Variants in NAALADL2 observed in about 807,000 individuals in gnomAD.
NAALADL2 encodes inactive N-acetylated-alpha-linked acidic dipeptidase-like protein 2.
NAALADL2 carries 76 observed loss-of-function variants against 87.2 expected under a neutral mutation model. That is an observed-to-expected ratio of 0.87 (90% confidence interval 0.72 to 1.05). The LOEUF is 1.05. Ranked by LOEUF, NAALADL2 falls within the 50% of genes least tolerant of loss-of-function variation. The pLI, the probability that NAALADL2 is intolerant of heterozygous loss-of-function variation, is 0.00. For missense variants in NAALADL2, 1,089 were observed against 945.8 expected (o/e 1.15, Z -1.99); for synonymous variants, 354 against 331.0 (o/e 1.07, Z -0.75).
At position 175,455,295 on chromosome 3, in the gene NAALADL2, C is replaced by A. The variant is rs1722164008; in HGVS notation, c.1234+7923C>A. On this transcript the variant is annotated intron_variant, in intron 6 of 13. Transcript: ENST00000454872. Reference sequence around the variant, plus strand: ...GATGTAGTTCTTAGAGGTACTTCTCCTGGGGTAAGGTTAATGGAGGGTAGC... The same window carrying A: ...GATGTAGTTCTTAGAGGTACTTCTCATGGGGTAAGGTTAATGGAGGGTAGC... Among the ~76,000 whole-genome samples the A allele has an allele frequency of 3.3e-5, 5 of 151,946 alleles. No homozygotes were observed. The South Asian group carries it at 1.0e-3, about 32-fold the overall frequency.
intron 13 of NAALADL2, among the ~76,000 whole-genome samples, chr3:175,776,778 G>A (rs1042936065): frequency 3.9e-5 from 6 of 152,118 alleles, no homozygotes; most frequent in Non-Finnish European, 8.8e-5. Context: ...CAGTGGATAA[G>A]AAGGGAATAG....
chr3:174,963,160 A>G (rs1045821608), intron 1 of NAALADL2, among the ~76,000 whole-genome samples: 5 of 152,130 alleles, frequency 3.3e-5, no homozygotes, highest in African/African-American at 9.7e-5. Flanking sequence ...CAAGCTTAAC[A>G]TATCTGGCTG....
intron 9 of NAALADL2, among the ~76,000 whole-genome samples, chr3:175,496,551 G>T (rs1297155403): frequency 6.6e-6 from 1 of 151,952 alleles, no homozygotes; most frequent in Non-Finnish European, 1.5e-5. Flanking sequence ...ACACTATTTT[G>T]TTGTGGTGGT....
intron 2 of NAALADL2, among the ~76,000 whole-genome samples, chr3:174,623,861 T>C (rs1320159965): frequency 6.6e-6 from 1 of 152,162 alleles, no homozygotes; most frequent in Admixed American, 6.5e-5. Flanking sequence ...TTCTACCATG[T>C]AAATAGGAGC....
At chr3:175,250,865 G>T (rs1317943893) in intron 3 of NAALADL2, among the ~76,000 whole-genome samples, 2 of 152,168 alleles carry the variant, frequency 1.3e-5, no homozygotes, top group African/African-American at 4.8e-5. Flanking sequence ...CAAGTCTGAA[G>T]CTTGATCTGT....
At chr3:174,898,289 C>T (rs1037287621) in intron 1 of NAALADL2, among the ~76,000 whole-genome samples, 3 of 151,260 alleles carry the variant, frequency 2.0e-5, no homozygotes, top group South Asian at 4.2e-4. Context: ...TAATTGTACT[C>T]ATGATATAGA....
At chr3:175,318,271 T>C (rs1759402623) in intron 4 of NAALADL2, among the ~76,000 whole-genome samples, 2 of 152,266 alleles carry the variant, frequency 1.3e-5, no homozygotes, top group Admixed American at 6.5e-5. Context: ...GGTTTTACTT[T>C]GTTTTAGTGT....
intron 3 of NAALADL2, among the ~76,000 whole-genome samples, chr3:174,803,745 G>T (rs1719121021): frequency 6.6e-6 from 1 of 152,102 alleles, no homozygotes; most frequent in African/African-American, 2.4e-5. Context: ...CCCATTGCTT[G>T]TTTTTGTCAG....
chr3:175,641,377 CGTCCTTCAGTATGTTTAT>C (rs1553938716), intron 11 of NAALADL2, among the ~76,000 whole-genome samples: 1 of 151,866 alleles, frequency 6.6e-6, no homozygotes, highest in Non-Finnish European at 1.5e-5. Flanking sequence ...TCCCTTTTTC[CGTCCTTCAGTATGTTTAT>C]GTCTTGCTTC....
chr3:175,430,026 C>G (rs963037414), intron 5 of NAALADL2, among the ~76,000 whole-genome samples: 3 of 151,790 alleles, frequency 2.0e-5, no homozygotes, highest in African/African-American at 7.2e-5. Context: ...TGGTCTTTAG[C>G]TTAACTTCAA....
At chr3:175,594,594 G>C (rs1721993972) in intron 10 of NAALADL2, among the ~76,000 whole-genome samples, 1 of 152,238 alleles carries the variant, frequency 6.6e-6, no homozygotes, top group Non-Finnish European at 1.5e-5. Flanking sequence ...GCTTTCCACA[G>C]GGGCTGAACT....
chr3:175,202,261 A>C (rs1740156208), intron 2 of NAALADL2, among the ~76,000 whole-genome samples: 1 of 152,078 alleles, frequency 6.6e-6, no homozygotes, highest in African/African-American at 2.4e-5. Context: ...ATTGGGCTTC[A>C]TTTCCAAGTG....
At chr3:174,584,645 T>C (rs934874271) in intron 2 of NAALADL2, among the ~76,000 whole-genome samples, 1 of 152,142 alleles carries the variant, frequency 6.6e-6, no homozygotes, top group Non-Finnish European at 1.5e-5. Context: ...TAATGCATGA[T>C]AGCTAATTAT....
intron 3 of NAALADL2, among the ~76,000 whole-genome samples, chr3:174,829,405 G>C (rs1249083720): frequency 5.4e-5 from 8 of 148,602 alleles, no homozygotes; most frequent in African/African-American, 2.5e-5. Context: ...TGAGAATGAT[G>C]GTTTCCAATT....
upstream of NAALADL2, among the ~76,000 whole-genome samples, chr3:174,858,117 G>A (rs1161653836): frequency 6.9e-6 from 1 of 145,348 alleles, no homozygotes; most frequent in Non-Finnish European, 1.5e-5. Context: ...TAATAAAAAT[G>A]TTTTTATATA....
chr3:174,584,234 G>A (rs971420751), intron 2 of NAALADL2, among the ~76,000 whole-genome samples: 10 of 152,084 alleles, frequency 6.6e-5, no homozygotes, highest in African/African-American at 2.2e-4. Flanking sequence ...GGTAATCAGA[G>A]AAATTTTACT....
chr3:175,699,846 C>A (rs1738740517), intron 11 of NAALADL2, among the ~76,000 whole-genome samples: 1 of 151,968 alleles, frequency 6.6e-6, no homozygotes, highest in African/African-American at 2.4e-5. Context: ...ATGCCAAATC[C>A]TTTAATACTA....
At chr3:175,397,263 A>G (rs184323960) in intron 5 of NAALADL2, 2 of 152,098 alleles carry the variant, frequency 1.3e-5, no homozygotes, top group Admixed American at 1.3e-4. Context: ...ATGCTTCACA[A>G]ATTTGCATGT....
chr3:175,098,523 G>A (rs1194000172), intron 2 of NAALADL2, among the ~76,000 whole-genome samples: 2 of 152,088 alleles, frequency 1.3e-5, no homozygotes, highest in Non-Finnish European at 2.9e-5. Flanking sequence ...CATAACCTCA[G>A]CTGGAGACAC....
Sources: allele counts gnomAD v4.1 joint callset (sites outside exome capture counted in the v4.1 genomes callset), GRCh38; gene constraint gnomAD v4.1.1; transcripts MANE v1.5; gene names NCBI Gene and HGNC (gene_info 2026-07-23, HGNC 2026-07-21).